Variants in ENTREP2 observed in about 807,000 individuals in gnomAD.
ENTREP2 encodes the protein endosomal transmembrane epsin interactor 2, also known as protein ENTREP2.
At chr15:29,274,279 T>A in the ENTREP2 span, among the ~76,000 whole-genome samples, 3 of 152,338 alleles carry the variant, frequency 2.0e-5, no homozygotes, top group South Asian at 6.2e-4. Context: ...GTGCATTTAT[T>A]ATGTTTCTCT....
the ENTREP2 span, among the ~76,000 whole-genome samples, chr15:29,355,656 A>C: frequency 1.3e-5 from 2 of 152,190 alleles, no homozygotes; most frequent in Non-Finnish European, 1.5e-5. Flanking sequence ...CAAATTGCTA[A>C]TGCCAGAAAA....
At chr15:29,277,534 C>T in the ENTREP2 span, among the ~76,000 whole-genome samples, 3 of 152,068 alleles carry the variant, frequency 2.0e-5, no homozygotes, top group African/African-American at 7.2e-5. Flanking sequence ...AGGATCCCCG[C>T]CTGCAGTTCT....
At chr15:29,601,297 T>C in the ENTREP2 span, among the ~76,000 whole-genome samples, 7 of 152,202 alleles carry the variant, frequency 4.6e-5, no homozygotes, top group East Asian at 1.9e-4. Context: ...GTAAAACTGA[T>C]ATTTGATTAT....
the ENTREP2 span, among the ~76,000 whole-genome samples, chr15:29,482,199 G>A: frequency 2.8e-5 from 4 of 144,086 alleles, no homozygotes; most frequent in African/African-American, 1.1e-4. Flanking sequence ...TAGTAGAGAT[G>A]GGATTTCACC....
At chr15:29,442,669 C>T in the ENTREP2 span, among the ~76,000 whole-genome samples, 1 of 152,296 alleles carries the variant, frequency 6.6e-6, no homozygotes, top group Non-Finnish European at 1.5e-5. Context: ...CAAAGAGGCT[C>T]CAGTGGCCTG....
At chr15:29,607,825 T>TAGATAGATAGATAGAC in the ENTREP2 span, among the ~76,000 whole-genome samples, 868 of 84,948 alleles carry the variant, frequency 0.01, 13 homozygotes, top group African/African-American at 0.059. Context: ...GATAGATAGA[T>TAGATAGATAGATAGAC]AGACAGACAG....
the ENTREP2 span, among the ~76,000 whole-genome samples, chr15:29,615,873 T>TA: frequency 1.3e-4 from 20 of 152,166 alleles, no homozygotes; most frequent in African/African-American, 4.6e-4. Context: ...GCAGGGATGA[T>TA]ACAGGGAAGC....
At chr15:29,258,822 C>T in the ENTREP2 span, among the ~76,000 whole-genome samples, 11 of 152,140 alleles carry the variant, frequency 7.2e-5, no homozygotes, top group African/African-American at 1.2e-4. Flanking sequence ...ATGTTACATA[C>T]GGGAAATCAT....
chr15:29,186,021 G>A, the ENTREP2 span, among the ~76,000 whole-genome samples: 1 of 152,150 alleles, frequency 6.6e-6, no homozygotes, highest in Non-Finnish European at 1.5e-5. Flanking sequence ...TCCATCTGCA[G>A]CACTTTCTCC....
At chr15:29,489,749 C>A in the ENTREP2 span, among the ~76,000 whole-genome samples, 1 of 152,198 alleles carries the variant, frequency 6.6e-6, no homozygotes, top group Non-Finnish European at 1.5e-5. Flanking sequence ...GGTGAACACG[C>A]CCCTGCCTGA....
chr15:29,366,341 C>T, the ENTREP2 span, among the ~76,000 whole-genome samples: 1 of 152,208 alleles, frequency 6.6e-6, no homozygotes, highest in African/African-American at 2.4e-5. Context: ...TCCCAAACTG[C>T]TGGGATTACA....
the ENTREP2 span, among the ~76,000 whole-genome samples, chr15:29,332,559 C>A: frequency 1.3e-5 from 2 of 152,134 alleles, no homozygotes; most frequent in Admixed American, 6.6e-5. Flanking sequence ...GAATAAATAA[C>A]CGTGGTAAGA....
chr15:29,652,487 G>T, the ENTREP2 span, among the ~76,000 whole-genome samples: 2 of 152,236 alleles, frequency 1.3e-5, no homozygotes, highest in Admixed American at 6.5e-5. Context: ...GCTGAAACAC[G>T]CCGCTTGCTC....
the ENTREP2 span, among the ~76,000 whole-genome samples, chr15:29,224,523 A>T: frequency 2.6e-5 from 4 of 152,060 alleles, no homozygotes; most frequent in African/African-American, 9.7e-5. Context: ...GTCCGCTTTG[A>T]CAGGATGCTG....
chr15:29,370,559 C>T, the ENTREP2 span, among the ~76,000 whole-genome samples: 26,391 of 151,720 alleles, frequency 0.17, 2,519 homozygotes, highest in East Asian at 0.38. Flanking sequence ...TATTGACAAC[C>T]GGAAGACTGC....
chr15:29,631,553 TG>T, the ENTREP2 span, among the ~76,000 whole-genome samples: 1 of 152,378 alleles, frequency 6.6e-6, no homozygotes, highest in South Asian at 2.1e-4. Flanking sequence ...TACATCTGCA[TG>T]TGTGAAACTT....
the ENTREP2 span, among the ~76,000 whole-genome samples, chr15:29,305,899 CGT>C: frequency 6.6e-6 from 1 of 152,064 alleles, no homozygotes; most frequent in South Asian, 2.1e-4. Context: ...CTCGGGGCTT[CGT>C]GCTGAAGCAC....
At chr15:29,214,690 TAA>T in the ENTREP2 span, among the ~76,000 whole-genome samples, 2 of 141,758 alleles carry the variant, frequency 1.4e-5, no homozygotes, top group East Asian at 2.0e-4. Flanking sequence ...AGTATAATAA[TAA>T]AAAAAAAAAA....
chr15:29,219,485 A>G, the ENTREP2 span, among the ~76,000 whole-genome samples: 1 of 151,272 alleles, frequency 6.6e-6, no homozygotes, highest in African/African-American at 2.5e-5. Context: ...ATGCAGAGGA[A>G]AAGAAGTGAT....
Sources: allele counts gnomAD v4.1 joint callset (sites outside exome capture counted in the v4.1 genomes callset), GRCh38; gene constraint gnomAD v4.1.1; transcripts MANE v1.5; gene names NCBI Gene and HGNC (gene_info 2026-07-23, HGNC 2026-07-21).